The following IGSF5 variants were observed in gnomAD, a reference collection of about 807,000 sequenced individuals.
The protein encoded by IGSF5 is immunoglobulin superfamily 5 like.
IGSF5 carries 41 observed loss-of-function variants against 39.4 expected under a neutral mutation model. The observed-to-expected ratio is 1.04, with a 90% CI of 0.81 to 1.35. The LOEUF (loss-of-function observed/expected upper bound fraction) is 1.35, where lower values mean the gene tolerates loss of function less well. Ranked by LOEUF, IGSF5 falls within the 40% of genes most tolerant of loss-of-function variation. The pLI is 0.00. For missense variants in IGSF5, 487 were observed against 494.6 expected, an observed-to-expected ratio of 0.98 and a Z score of 0.15; for synonymous variants, 183 against 175.3, an observed-to-expected ratio of 1.04 and a Z score of -0.34.
chr21:39,777,638 G>C (rs1292512359), intron 4 of IGSF5, among the ~76,000 whole-genome samples: 1 of 152,108 alleles, frequency 6.6e-6, no homozygotes, highest in Non-Finnish European at 1.5e-5. Context: ...GATGGTGGGA[G>C]ATGTGGAGAT....
chr21:39,742,021 C>G (rs1380674177), upstream of IGSF5, among the ~76,000 whole-genome samples: 1 of 151,894 alleles, frequency 6.6e-6, no homozygotes, highest in South Asian at 2.1e-4. Flanking sequence ...TGTTGGGCCT[C>G]GGGTCTGAGG....
upstream of IGSF5, among the ~76,000 whole-genome samples, chr21:39,745,181 C>CCA: frequency 6.6e-6 from 1 of 152,034 alleles, no homozygotes; most frequent in South Asian, 2.1e-4. Flanking sequence ...CTCTCCATCT[C>CCA]TCTCTCTCCG....
intron 2 of IGSF5, among the ~76,000 whole-genome samples, chr21:39,749,710 G>A (rs1396635645): frequency 2.0e-5 from 3 of 152,240 alleles, no homozygotes; most frequent in Admixed American, 1.3e-4. Context: ...ACAATTCCAA[G>A]TGGGGGCTTC....
Position 39,779,236 on chromosome 21 carries a change from T to G in IGSF5, c.865T>G (p.Cys289Gly), listed in dbSNP as rs143191361. 11 of 1,613,928 alleles carry G rather than the reference T, an allele frequency of 6.8e-6. No individual in the cohort carries two copies. In the East Asian group the frequency reaches 2.5e-4, roughly 36 times the overall value. ...GTGTACTCTTACAATACGCTGCTGC[T>G]GCTGCCGCCGTCGTTGTTGTGGCTG... ...PTCTLTIRCC[C>G]CRRRCCGCNC... Residue 289 changes from cysteine (C) to glycine (G), a missense_variant, in exon 5 of 9, where the codon TGC (cysteine) becomes GGC (glycine). Coordinates refer to ENST00000380588, the MANE Select transcript of IGSF5 (RefSeq NM_001080444.2).
intron 3 of IGSF5, among the ~76,000 whole-genome samples, chr21:39,766,353 G>C (rs1329666655): frequency 6.6e-6 from 1 of 152,140 alleles, no homozygotes; most frequent in African/African-American, 2.4e-5. Flanking sequence ...GCCAGTTGCA[G>C]TCATTTTTCT....
At chr21:39,781,342 A>G (rs1389891586) in intron 5 of IGSF5, among the ~76,000 whole-genome samples, 1 of 152,066 alleles carries the variant, frequency 6.6e-6, no homozygotes, top group Non-Finnish European at 1.5e-5. Flanking sequence ...ATGGTTATCC[A>G]TTGTGTAGAT....
At chr21:39,756,944 A>G (rs934071791) in intron 2 of IGSF5, among the ~76,000 whole-genome samples, 4 of 151,990 alleles carry the variant, frequency 2.6e-5, no homozygotes, top group Non-Finnish European at 5.9e-5. Flanking sequence ...GCTTTACCCC[A>G]TCTATCCTGG....
the IGSF5 span, among the ~76,000 whole-genome samples, chr21:39,738,696 G>A: frequency 1.3e-5 from 2 of 151,936 alleles, no homozygotes; most frequent in Admixed American, 1.3e-4. The surrounding 1 kb of genome is among the most constrained non-coding windows in gnomAD (Gnocchi z 6.4). Flanking sequence ...TGGACACTGG[G>A]CGAGTAGACA....
chr21:39,799,005 A>C (rs1400322166), intron 8 of IGSF5, among the ~76,000 whole-genome samples: 2 of 152,214 alleles, frequency 1.3e-5, no homozygotes, highest in African/African-American at 4.8e-5. Flanking sequence ...GCCAGGAGCT[A>C]CAGGCACAAT....
chr21:39,800,012 T>C (rs1475677734), intron 8 of IGSF5, among the ~76,000 whole-genome samples: 1 of 151,882 alleles, frequency 6.6e-6, no homozygotes, highest in Non-Finnish European at 1.5e-5. Context: ...TAGACAAGAG[T>C]TTCCCTGTTG....
Position 39,770,839 on chromosome 21 carries a change from A to T in IGSF5, c.419-77A>T. ...AATTTGAAGCAAAACTTAAAAAAAA[A>T]AAGAAAAAAAAAAAGAAAACTTAGA... On this transcript the variant is annotated intron_variant, in intron 3 of 8. Coordinates refer to ENST00000380588, the MANE Select transcript of IGSF5 (RefSeq NM_001080444.2). 7.1e-6 allele frequency: 8 copies of T among 1,132,346 alleles called. No homozygotes were observed. In the South Asian group the frequency reaches 2.3e-4, roughly 33 times the overall value. 70.1% of individuals were successfully genotyped at this position (1,132,346 alleles called of 1,614,324 possible). A position where few individuals can be genotyped will look rare whatever the true frequency, so the allele number is the denominator to read the frequency against.
intron 3 of IGSF5, among the ~76,000 whole-genome samples, chr21:39,766,382 TCAATC>T (rs1462234929): frequency 2.0e-5 from 3 of 152,222 alleles, no homozygotes; most frequent in Admixed American, 1.3e-4. Context: ...GAGACAGTTG[TCAATC>T]ACTGCCCTTT....
chr21:39,775,418 A>G (rs901281029), intron 4 of IGSF5, among the ~76,000 whole-genome samples: 14 of 152,348 alleles, frequency 9.2e-5, no homozygotes, highest in East Asian at 1.9e-4. Flanking sequence ...TGCTTTGCAC[A>G]TGATAGTGGT....
At chr21:39,714,521 A>C in the IGSF5 span, among the ~76,000 whole-genome samples, 1 of 152,098 alleles carries the variant, frequency 6.6e-6, no homozygotes, top group South Asian at 2.1e-4. Flanking sequence ...CTTAAACATA[A>C]GAAATGTATT....
At chr21:39,775,267 T>C (rs2080134056) in intron 4 of IGSF5, among the ~76,000 whole-genome samples, 2 of 152,210 alleles carry the variant, frequency 1.3e-5, no homozygotes, top group South Asian at 4.1e-4. Flanking sequence ...GTGTGTCTTC[T>C]GGGCAAATTA....
At chr21:39,722,125 T>C in the IGSF5 span, among the ~76,000 whole-genome samples, 9,702 of 152,106 alleles carry the variant, frequency 0.064, 562 homozygotes, top group East Asian at 0.22. Context: ...CTGATATAGA[T>C]CAGTTGTAAA....
intron 5 of IGSF5, among the ~76,000 whole-genome samples, chr21:39,787,446 T>C (rs554557548): frequency 4.6e-5 from 7 of 152,186 alleles, no homozygotes; most frequent in South Asian, 4.2e-4. Flanking sequence ...GGACAAAAGG[T>C]TGGGGACTTG....
chr21:39,747,789 T>A (rs1418068863), intron 2 of IGSF5, among the ~76,000 whole-genome samples: 2 of 152,164 alleles, frequency 1.3e-5, no homozygotes, highest in East Asian at 3.8e-4. Flanking sequence ...CTATTGCATT[T>A]TTCTTCTGAT....
At chr21:39,737,542 A>G in the IGSF5 span, among the ~76,000 whole-genome samples, 1 of 152,114 alleles carries the variant, frequency 6.6e-6, no homozygotes, top group Admixed American at 6.5e-5. Flanking sequence ...GGTTTAATCC[A>G]TTTGCTAGAA....
Sources: gnomAD v4.1 joint callset for allele counts (sites outside exome capture counted in the v4.1 genomes callset) on GRCh38, gnomAD v4.1.1 for gene constraint, Gnocchi (gnomAD v3.1) non-coding constraint, MANE v1.5 for transcripts, NCBI Gene and HGNC (gene_info 2026-07-23, HGNC 2026-07-21) for gene names.